GGT1: variants seen among roughly 807,000 people sequenced by gnomAD.
GGT1 encodes glutathione hydrolase 1 proenzyme.
Under a neutral mutation model 56.0 loss-of-function variants are expected in GGT1, and 21 were observed. That is an observed-to-expected ratio of 0.38 (90% CI 0.27 to 0.54). The LOEUF is 0.54. Among genes scored for constraint, GGT1 ranks in the 20% least tolerant of loss-of-function variants. The pLI is 0.82. For missense variants in GGT1, 466 were observed against 787.0 expected (o/e 0.59, Z 4.88); for synonymous variants, 238 against 342.6 (o/e 0.69, Z 3.37).
upstream of GGT1, chr22:24,594,724 G>C (rs1601605606): frequency 6.6e-6 from 1 of 152,280 alleles, no homozygotes; most frequent in Admixed American, 6.5e-5. Flanking sequence ...TGGCACCACA[G>C]GTTTCCTCCC....
At chr22:24,604,406 C>G (rs1307117830) in intron 1 of GGT1, among the ~76,000 whole-genome samples, 5 of 152,298 alleles carry the variant, frequency 3.3e-5, no homozygotes, top group South Asian at 4.1e-4. Flanking sequence ...GACTGGCTGC[C>G]GTGTCTACCT....
upstream of GGT1, chr22:24,589,974 A>G: frequency 6.4e-7 from 1 of 1,556,002 alleles, no homozygotes. Flanking sequence ...GAGAGAGTTG[A>G]GTGAGCCCGT....
Position 24,608,018 on chromosome 22 carries a change from C to T in GGT1, c.-364C>T. The T allele has an allele frequency of 2.1e-6, 1 of 468,994 alleles. No individual in the cohort carries two copies. The highest frequency in any genetic ancestry group is 1.6e-5 in the South Asian group (1 of 64,450). 29.1% of individuals were successfully genotyped at this position (468,994 alleles called of 1,614,324 possible). A position where few individuals can be genotyped will look rare whatever the true frequency, so the allele number is the denominator to read the frequency against. On this transcript the variant is annotated 5_prime_UTR_variant, in exon 2 of 16. Transcript: ENST00000400382. ...CTCCTGGGCCCCCACTGTCCCCAGG[C>T]CTCAGGTAAGCCCATCAGGGTCCCA... is the stretch of plus-strand genomic sequence containing the variant.
At chr22:24,622,708 C>T (rs1214926935) in intron 9 of GGT1, among the ~76,000 whole-genome samples, 4 of 151,996 alleles carry the variant, frequency 2.6e-5, no homozygotes, top group South Asian at 4.2e-4. Context: ...AGCCACTGCA[C>T]TCCAGCCTGG....
intron 1 of GGT1, among the ~76,000 whole-genome samples, chr22:24,606,135 GTAT>G (rs1396638946): frequency 1.6e-5 from 2 of 124,564 alleles, no homozygotes; most frequent in Non-Finnish European, 3.2e-5. Context: ...ATTATATATA[GTAT>G]TATATATATA....
At chr22:24,586,825 C>G in the GGT1 span, among the ~76,000 whole-genome samples, 1 of 152,254 alleles carries the variant, frequency 6.6e-6, no homozygotes, top group Non-Finnish European at 1.5e-5. Context: ...GCCACTGCGC[C>G]CGGGCCCAAA....
At position 24,614,827 on chromosome 22, in the gene GGT1, G is replaced by C; in HGVS notation, c.216G>C (p.Leu72=). 6.2e-7 allele frequency: 1 copy of C among 1,613,368 alleles called. No homozygotes were observed. The highest frequency in any genetic ancestry group is 8.5e-7 in the Non-Finnish European group (1 of 1,179,510). The part of the protein sequence containing the change: ...GSAVDAAIAA[L]LCVGLMNAHS... ...CGGTGGATGCAGCCATTGCAGCCCT[G>C]TTGTGTGTGGGGCTCATGAATGCCC... Residue 72 remains leucine, a synonymous_variant, in exon 6 of 16, where the codon CTG becomes CTC. Coordinates refer to ENST00000400382, the MANE Select transcript of GGT1 (RefSeq NM_001288833.2).
upstream of GGT1, chr22:24,593,236 C>G (rs992123152): frequency 4.8e-6 from 2 of 418,210 alleles, no homozygotes; most frequent in African/African-American, 4.3e-5. Context: ...CTGGAGGAGG[C>G]CCTGCTTGCG....
chr22:24,623,171 C>T lies in GGT1; in HGVS notation c.798C>T (p.Asn266=). ...YRAELIEHPL[N]ISLGDVVLYM... ...CTGAGCTGATCGAGCACCCGCTGAACATCAGCCTGGGAGACGTGGTGCTGT... is the reference window on the plus strand; with the variant it reads ...CTGAGCTGATCGAGCACCCGCTGAATATCAGCCTGGGAGACGTGGTGCTGT... Residue 266 remains asparagine, a synonymous_variant, in exon 10 of 16, where the codon AAC becomes AAT. Coordinates refer to ENST00000400382, the MANE Select transcript of GGT1 (RefSeq NM_001288833.2). The T allele has an allele frequency of 1.9e-6, 3 of 1,602,284 alleles. No homozygotes were observed. The highest frequency in any genetic ancestry group is 2.6e-6 in the Non-Finnish European group (3 of 1,173,262).
At position 24,621,705 on chromosome 22, in the gene GGT1, TGAG is replaced by T. The variant is rs560341932; in HGVS notation, c.733+639_733+641del. On this transcript the variant is annotated intron_variant, in intron 9 of 15. Coordinates refer to ENST00000400382, the MANE Select transcript of GGT1 (RefSeq NM_001288833.2). The stretch of plus-strand genomic sequence containing the variant: ...GCCTCCCTCCTCTATTCATTCATCA[TGAG>T]GAGAAGAGGCCAAGCGGCAGGGAGA... Among the ~76,000 whole-genome samples the T allele has an allele frequency of 1.8e-4, 28 of 152,292 alleles. No homozygotes were observed. In the East Asian group the frequency reaches 5.0e-3, roughly 27 times the overall value.
At chr22:24,610,555 G>A (rs2046583510) in intron 4 of GGT1, 24 bp downstream of exon 4, 1 of 164,006 alleles carries the variant, frequency 6.1e-6, no homozygotes, top group Non-Finnish European at 1.3e-5. Context: ...CCGTGGCAGT[G>A]AATCTGTGGG....
the GGT1 span, chr22:24,586,004 TA>T: frequency 6.2e-7 from 1 of 1,610,848 alleles, no homozygotes; most frequent in South Asian, 1.1e-5. Flanking sequence ...CAGGCCCTCG[TA>T]GATGGTGGGG....
In GGT1 at chr22:24,596,914, C is replaced by CAA. The variant is rs78452000; in HGVS notation, c.-324+2049_-324+2050dup. ...CTGGTGACAGAGCGAGACTCTGTCT[C>CAA]AAAAAAAAAAAAAAAAAAAAAAGAA... On this transcript the variant is annotated intron_variant, in intron 1 of 6. Transcript: ENST00000411974. Among the ~76,000 whole-genome samples the CAA allele has an allele frequency of 9.7e-4, 61 of 62,776 alleles. 1 individual carries two copies. The highest frequency in any genetic ancestry group is 1.3e-3 in the Non-Finnish European group (44 of 34,598). The allele number at this position is 62,776 out of a possible 152,430, so 41.2% of individuals were successfully genotyped here.
intron 9 of GGT1, among the ~76,000 whole-genome samples, chr22:24,621,863 C>G (rs1162099607): frequency 6.6e-6 from 1 of 151,248 alleles, no homozygotes; most frequent in Non-Finnish European, 1.5e-5. Context: ...CCAGCCTGGC[C>G]AACATGGCGA....
Position 24,628,330 on chromosome 22 carries a change from C to T in GGT1, c.1505C>T (p.Pro502Leu), listed in dbSNP as rs1283530428. ...GACGTGAAGCGGGCCGTGGAGGAGC[C>T]CCGGCTGCACAACCAGCTTCTGCCC... The part of the protein sequence containing the change: ...GYDVKRAVEE[P>L]RLHNQLLPNV... The change falls in exon 15 of 16, where the codon CCC becomes CTC. Residue 502 changes from proline to leucine, a missense_variant. Physicochemically the swap from Pro to Leu is moderately conservative, Grantham distance 98. Around this residue, in one of 2 missense-constraint regions of GGT1, gnomAD observed 456 missense variants for 716.7 expected, o/e 0.64. Coordinates refer to ENST00000400382, the MANE Select transcript of GGT1 (RefSeq NM_001288833.2). This position sits in a 1 kb window ranked among gnomAD's most constrained non-coding sequence, Gnocchi z 5.7. 7 of 1,611,690 alleles carry T rather than the reference C, an allele frequency of 4.3e-6. No individual in the cohort carries two copies. Among genetic ancestry groups the T allele is most frequent in the Non-Finnish European group, 5.9e-6 (7 of 1,179,834 alleles).
At chr22:24,592,479 C>T (rs570750831), upstream of GGT1, 9 of 457,274 alleles carry the variant, frequency 2.0e-5, no homozygotes, top group East Asian at 4.8e-4. Context: ...GATGATTTGA[C>T]CTCACTTGCC....
rs1465648076 is a variant in GGT1 at position 24,609,960 on chromosome 22, A to C, written c.-358-5A>C. On this transcript the variant is annotated splice_polypyrimidine_tract_variant and splice_region_variant and intron_variant, in intron 2 of 15. Transcript: ENST00000400382. ...AACCTACTCTATTCACAACACTCCC[A>C]GCAGCAAGGCAAGTGAGGTGCTGCC... The C allele has an allele frequency of 2.1e-6, 1 of 465,810 alleles. No individual in the cohort carries two copies. The highest frequency in any genetic ancestry group is 4.4e-6 in the Non-Finnish European group (1 of 225,544). The allele number at this position is 465,810 out of a possible 1,614,324, so 28.9% of individuals were successfully genotyped here.
intron 9 of GGT1, among the ~76,000 whole-genome samples, chr22:24,621,877 C>T (rs201698487): frequency 6.6e-6 from 1 of 151,422 alleles, no homozygotes; most frequent in African/African-American, 2.4e-5. Context: ...ATGGCGAAAC[C>T]CTGTCTCTAC....
chr22:24,592,085 G>A (rs1216043903), upstream of GGT1: 2 of 350,240 alleles, frequency 5.7e-6, no homozygotes, highest in Admixed American at 3.8e-5. Flanking sequence ...CCTGCTCACA[G>A]GATGGGGCAG....
Sources: allele counts gnomAD v4.1 joint callset (sites outside exome capture counted in the v4.1 genomes callset), GRCh38; gene constraint gnomAD v4.1.1; regional missense constraint gnomAD v4.1.1; non-coding constraint Gnocchi (gnomAD v3.1); transcripts MANE v1.5; gene names NCBI Gene and HGNC (gene_info 2026-07-23, HGNC 2026-07-21).